The following CCSER1 variants were observed in gnomAD, a reference collection of about 807,000 sequenced individuals.
CCSER1 encodes serine-rich coiled-coil domain-containing protein 1.
A neutral mutation model predicts 82.0 loss-of-function variants in CCSER1; 41 were observed. That is an observed-to-expected ratio of 0.50 (90% CI 0.39 to 0.65). CCSER1 has a LOEUF of 0.65. CCSER1 is among the 30% of genes least tolerant of loss of function. The pLI is 0.00. For synonymous variants in CCSER1, 414 were observed against 383.9 expected, an observed-to-expected ratio of 1.08 and a Z score of -0.92; for missense variants, 1,119 against 1,064.2, an observed-to-expected ratio of 1.05 and a Z score of -0.72.
chr4:91,408,529 A>T (rs1752840022), intron 10 of CCSER1, among the ~76,000 whole-genome samples: 1 of 152,202 alleles, frequency 6.6e-6, no homozygotes, highest in African/African-American at 2.4e-5. Flanking sequence ...CTGAATCCTC[A>T]GACTGAAAAT....
chr4:90,854,775 A>G lies in CCSER1; in HGVS notation c.2094+38930A>G, dbSNP rs554310105. 1.4e-4 allele frequency among the ~76,000 whole-genome samples: 22 copies of G among 152,000 alleles called. 1 individual carries two copies. In the East Asian group the frequency reaches 3.5e-3, roughly 24 times the overall value. On this transcript the variant is annotated intron_variant, in intron 8 of 10. Transcript: ENST00000509176. ...TGATCTTCATTATAAGATTGCTCCT[A>G]TGATCTCTAGGCTACTACATTACTG... is the stretch of plus-strand genomic sequence containing the variant.
intron 10 of CCSER1, among the ~76,000 whole-genome samples, chr4:91,464,325 G>T (rs955041762): frequency 6.6e-6 from 1 of 152,096 alleles, no homozygotes; most frequent in Non-Finnish European, 1.5e-5. Flanking sequence ...TCACCAAAAG[G>T]CCTGCCCTAC....
chr4:90,473,415 T>G (rs1179254160), intron 5 of CCSER1, among the ~76,000 whole-genome samples: 1 of 152,202 alleles, frequency 6.6e-6, no homozygotes, highest in South Asian at 2.1e-4. Flanking sequence ...TAGATTTGAT[T>G]TATTGTTTAC....
chr4:91,022,364 GGT>G (rs1740070050), intron 9 of CCSER1, among the ~76,000 whole-genome samples: 1 of 151,944 alleles, frequency 6.6e-6, no homozygotes, highest in South Asian at 2.1e-4. Flanking sequence ...AGTATTCCAT[GGT>G]GTATGGTGTA....
intron 9 of CCSER1, among the ~76,000 whole-genome samples, chr4:91,008,169 G>A (rs184148111): frequency 3.3e-5 from 5 of 152,224 alleles, no homozygotes; most frequent in Admixed American, 6.5e-5. Context: ...TCTGGATAAT[G>A]TTCCATGTAT....
At chr4:91,178,351 A>G (rs901801638) in intron 10 of CCSER1, among the ~76,000 whole-genome samples, 1 of 151,992 alleles carries the variant, frequency 6.6e-6, no homozygotes, top group Non-Finnish European at 1.5e-5. Context: ...GCTGAGTTCA[A>G]TTCCTGGATA....
Position 91,089,593 on chromosome 4 carries a change from A to G in CCSER1, c.2217+3599A>G, listed in dbSNP as rs577638261. On this transcript the variant is annotated intron_variant, in intron 10 of 10. Coordinates refer to ENST00000509176, the MANE Select transcript of CCSER1 (RefSeq NM_001145065.2). ...CAATAGATTGATAGTGATTCATATAATATACTTGTGCTGAAGCATTCTGGT... is the reference window on the plus strand; with the variant it reads ...CAATAGATTGATAGTGATTCATATAGTATACTTGTGCTGAAGCATTCTGGT... Among the ~76,000 whole-genome samples, 5 of 152,294 alleles carry G rather than the reference A, an allele frequency of 3.3e-5. No homozygotes were observed. The South Asian group carries it at 8.3e-4, about 25-fold the overall frequency.
chr4:90,951,956 A>G (rs1732963639), intron 9 of CCSER1, among the ~76,000 whole-genome samples: 1 of 152,016 alleles, frequency 6.6e-6, no homozygotes, highest in South Asian at 2.1e-4. Context: ...ACACATACAG[A>G]CACACCTTGC....
At chr4:90,325,668 C>A in intron 3 of CCSER1, 1 of 448,188 alleles carries the variant, frequency 2.2e-6, no homozygotes, top group East Asian at 7.0e-5. Flanking sequence ...CTTCAGTAAA[C>A]TAACTACCTG....
chr4:91,210,542 G>T (rs144617919), intron 10 of CCSER1, among the ~76,000 whole-genome samples: 1 of 149,440 alleles, frequency 6.7e-6, no homozygotes, highest in South Asian at 2.1e-4. Flanking sequence ...AGTACACTGT[G>T]ATTTTTTTTT....
rs147963184 is a variant in CCSER1 at position 90,756,749 on chromosome 4, T to G, written c.2010+32758T>G. Among the ~76,000 whole-genome samples the G allele has an allele frequency of 4.7e-4, 72 of 152,346 alleles. 1 individual carries two copies. In the East Asian group the frequency reaches 0.011, roughly 24 times the overall value. On this transcript the variant is annotated intron_variant, in intron 7 of 10. Coordinates refer to ENST00000509176, the MANE Select transcript of CCSER1 (RefSeq NM_001145065.2). ...GAATTACCAGGAGACAAGAACCGTA[T>G]ACATATACTTTACTGCATCTTCTAA...
At chr4:90,640,251 T>A (rs1170069912) in intron 6 of CCSER1, among the ~76,000 whole-genome samples, 1 of 152,160 alleles carries the variant, frequency 6.6e-6, no homozygotes, top group Admixed American at 6.6e-5. Flanking sequence ...TCCATCTAGT[T>A]CTCAGTTGTT....
intron 6 of CCSER1, among the ~76,000 whole-genome samples, chr4:90,701,153 T>C (rs1458006171): frequency 6.6e-6 from 1 of 152,216 alleles, no homozygotes; most frequent in Non-Finnish European, 1.5e-5. Flanking sequence ...CTTGAATTAA[T>C]TTTTGTAGAA....
rs60135071 is a variant in CCSER1, at chr4:91,076,331, GTT to G, written c.2173-9608_2173-9607del. On this transcript the variant is annotated intron_variant, in intron 9 of 10. Coordinates refer to ENST00000509176, the MANE Select transcript of CCSER1 (RefSeq NM_001145065.2). The stretch of plus-strand genomic sequence containing the variant: ...TTTCATTCCATATTCCAACCATGCA[GTT>G]TTTTTTTTTTCCACTAAATGCTTAT... Among the ~76,000 whole-genome samples, 863 of 147,644 alleles carry G rather than the reference GTT, an allele frequency of 5.8e-3. 13 individuals carry two copies. Among genetic ancestry groups the G allele is most frequent in the African/African-American group, 0.019 (785 of 40,332 alleles).
intron 5 of CCSER1, among the ~76,000 whole-genome samples, chr4:90,484,444 T>C (rs186607640): frequency 0.016 from 2,413 of 152,084 alleles, 38 homozygotes; most frequent in African/African-American, 0.047. Context: ...GGAGGAGAGG[T>C]GCTTTGATTT....
At chr4:91,125,124 C>T (rs1448833802) in intron 10 of CCSER1, among the ~76,000 whole-genome samples, 1 of 151,538 alleles carries the variant, frequency 6.6e-6, no homozygotes, top group Non-Finnish European at 1.5e-5. Flanking sequence ...CTACTTCAAT[C>T]AGTATATCAA....
intron 10 of CCSER1, among the ~76,000 whole-genome samples, chr4:91,107,109 A>T (rs948657488): frequency 6.6e-6 from 1 of 152,196 alleles, no homozygotes; most frequent in Non-Finnish European, 1.5e-5. Context: ...TGTCTACAGT[A>T]TTGAGTCTAA....
chr4:90,719,741 G>A (rs979316847), intron 6 of CCSER1, among the ~76,000 whole-genome samples: 1 of 152,144 alleles, frequency 6.6e-6, no homozygotes, highest in Non-Finnish European at 1.5e-5. Context: ...CGTTCATGCT[G>A]TCTACATAAT....
At chr4:90,149,713 A>T (rs1234255280) in intron 1 of CCSER1, among the ~76,000 whole-genome samples, 1 of 152,126 alleles carries the variant, frequency 6.6e-6, no homozygotes, top group East Asian at 1.9e-4. Flanking sequence ...AAAATCAGAA[A>T]CAGACTTGTT....
Sources: gnomAD v4.1 joint callset for allele counts (sites outside exome capture counted in the v4.1 genomes callset) on GRCh38, gnomAD v4.1.1 for gene constraint, MANE v1.5 for transcripts, NCBI Gene and HGNC (gene_info 2026-07-23, HGNC 2026-07-21) for gene names.